SLC6A3: variants seen among roughly 807,000 people sequenced by gnomAD.
The protein encoded by SLC6A3 is solute carrier family 6 member 3, also known as sodium-dependent dopamine transporter.
A neutral mutation model predicts 70.4 loss-of-function variants in SLC6A3; 19 were observed. The observed-to-expected ratio is 0.27, with a 90% CI of 0.19 to 0.40. SLC6A3 has a LOEUF of 0.40. Ranked by LOEUF, SLC6A3 falls within the 10% of genes least tolerant of loss-of-function variation. SLC6A3 has a pLI of 1.00. For missense variants in SLC6A3, 613 were observed against 838.5 expected, an observed-to-expected ratio of 0.73 and a Z score of 3.32; for synonymous variants, 368 against 356.6, an observed-to-expected ratio of 1.03 and a Z score of -0.36.
intron 3 of SLC6A3, 119 bp downstream of exon 3, chr5:1,441,240 C>G: frequency 1.6e-6 from 2 of 1,242,792 alleles, no homozygotes; most frequent in Non-Finnish European, 2.4e-6. Flanking sequence ...GTGTGCCATG[C>G]CTGTGTCTTA....
rs72715519 is a variant in SLC6A3, at chr5:1,397,000, G to C, written c.1840-2242C>G. ...GCTGTGGGCTCACAAGGGTCTGTTTGTTACGGTGACAAATTAATAATTTAA... is the reference window on the plus strand; with the variant it reads ...GCTGTGGGCTCACAAGGGTCTGTTTCTTACGGTGACAAATTAATAATTTAA... On this transcript the variant is annotated intron_variant, in intron 14 of 14. Transcript: ENST00000270349. This position sits in a 1 kb window ranked among gnomAD's most constrained non-coding sequence, Gnocchi z 7.0. 9.2e-3 allele frequency among the ~76,000 whole-genome samples: 1,395 copies of C among 152,266 alleles called. 14 individuals are homozygous for C. The highest frequency in any genetic ancestry group is 0.015 in the Non-Finnish European group (991 of 68,012).
Position 1,400,932 on chromosome 5 carries a change from C to T in SLC6A3, c.1822G>A (p.Glu608Lys), listed in dbSNP as rs1755834561. 1 of 1,591,732 alleles carries T rather than the reference C, an allele frequency of 6.3e-7. No individual in the cohort carries two copies. Among genetic ancestry groups the T allele is most frequent in the Non-Finnish European group, 8.6e-7 (1 of 1,166,808 alleles). The change falls in exon 14 of 15, where the codon GAG becomes AAG. Residue 608 changes from glutamate to lysine, a missense_variant. Glu to Lys is a moderately conservative substitution (Grantham distance 56). Around this residue, in one of 4 missense-constraint regions of SLC6A3, gnomAD observed 348 missense variants for 481.2 expected, o/e 0.72. Transcript: ENST00000270349. Reference sequence around the variant, plus strand: ...GACCTCACCGTGAACTGGCGCACCTCCCCTCTGTCCACCAGCTCACGGTCC... The same window carrying T: ...GACCTCACCGTGAACTGGCGCACCTTCCCTCTGTCCACCAGCTCACGGTCC... ...EKDRELVDRG[E>K]VRQFTLRHWL...
At position 1,414,459 on chromosome 5, in the gene SLC6A3, C is replaced by T. The variant is rs116103376; in HGVS notation, c.1156+232G>A. Among the ~76,000 whole-genome samples, 169 of 72,488 alleles carry T rather than the reference C, an allele frequency of 2.3e-3. 6 individuals carry two copies. Among genetic ancestry groups the T allele is most frequent in the African/African-American group, 8.2e-3 (144 of 17,604 alleles). The allele number at this position is 72,488 out of a possible 152,430, so 47.6% of individuals were successfully genotyped here. The stretch of plus-strand genomic sequence containing the variant: ...GGGTGGGGGGCCGGGAGGGGCAGGG[C>T]GGGGAAGGCGCTGGGTGGGGGGCCT... On this transcript the variant is annotated intron_variant, in intron 8 of 14. Transcript: ENST00000270349.
At chr5:1,409,943 C>A (rs941863186) in intron 9 of SLC6A3, 94 bp from the exon 10 acceptor site, 2 of 1,512,532 alleles carry the variant, frequency 1.3e-6, no homozygotes, top group African/African-American at 1.4e-5. Flanking sequence ...GACGCACACC[C>A]GGGGATGGAC....
At position 1,421,130 on chromosome 5, in the gene SLC6A3, G is replaced by A. The variant is rs1051333903; in HGVS notation, c.793-427C>T. On this transcript the variant is annotated intron_variant, in intron 5 of 14. Coordinates refer to ENST00000270349, the MANE Select transcript of SLC6A3 (RefSeq NM_001044.5). The surrounding 1 kb of genome is among the most constrained non-coding windows in gnomAD (Gnocchi z 7.2). Reference sequence around the variant, plus strand: ...ATACTACACGCACTTTTCCAAGGGAGGAGTCGTATCTTGGTCAAAACTGGT... The same window carrying A: ...ATACTACACGCACTTTTCCAAGGGAAGAGTCGTATCTTGGTCAAAACTGGT... 8.9e-4 allele frequency among the ~76,000 whole-genome samples: 136 copies of A among 152,214 alleles called. No homozygotes were observed. Among genetic ancestry groups the A allele is most frequent in the African/African-American group, 3.2e-3 (131 of 41,524 alleles).
At chr5:1,410,592 C>T (rs1756093312) in intron 9 of SLC6A3, among the ~76,000 whole-genome samples, 1 of 152,186 alleles carries the variant, frequency 6.6e-6, no homozygotes, top group African/African-American at 2.4e-5. Flanking sequence ...GTGCAGGGGC[C>T]ACACACAAAG....
In SLC6A3 at chr5:1,403,045, G is replaced by A. The variant is rs1264236301; in HGVS notation, c.1644C>T (p.Tyr548=). Residue 548 remains tyrosine, a synonymous_variant, in exon 13 of 15, where the codon TAC becomes TAT. Coordinates refer to ENST00000270349, the MANE Select transcript of SLC6A3 (RefSeq NM_001044.5). The part of the protein sequence containing the change: ...VSIVTFRPPH[Y]GAYIFPDWAN... ...CCCAGTCGGGGAAGATGTAGGCTCC[G>A]TAGTGGGGGGGTCTGAAGGTCACAA... The A allele has an allele frequency of 1.2e-5, 19 of 1,613,850 alleles. No homozygotes were observed. Among genetic ancestry groups the A allele is most frequent in the Admixed American group, 6.7e-5 (4 of 60,002 alleles).
Position 1,396,443 on chromosome 5 carries a change from G to A in SLC6A3, c.1840-1685C>T, listed in dbSNP as rs544009369. 1.2e-4 allele frequency among the ~76,000 whole-genome samples: 18 copies of A among 152,348 alleles called. No individual in the cohort carries two copies. Among genetic ancestry groups the A allele is most frequent in the Non-Finnish European group, 1.5e-4 (10 of 68,018 alleles). ...CCCCTGCCACCCTGCTCGCTGCCTC[G>A]AGGGAGTTTCTAGATTGCAGCACAG... On this transcript the variant is annotated intron_variant, in intron 14 of 14. Transcript: ENST00000270349. This position sits in a 1 kb window ranked among gnomAD's most constrained non-coding sequence, Gnocchi z 7.0.
intron 5 of SLC6A3, among the ~76,000 whole-genome samples, chr5:1,420,911 G>A (rs577098971): frequency 6.6e-6 from 1 of 152,374 alleles, no homozygotes; most frequent in South Asian, 2.1e-4. Context: ...CCCCAGGGAT[G>A]GAAAGGGAAG....
At chr5:1,399,543 A>C (rs921902007) in intron 14 of SLC6A3, among the ~76,000 whole-genome samples, 2 of 152,248 alleles carry the variant, frequency 1.3e-5, no homozygotes, top group African/African-American at 4.8e-5. Flanking sequence ...ATATTTGAGA[A>C]GACTAGCAAG....
chr5:1,409,591 G>A, intron 10 of SLC6A3, 130 bp downstream of exon 10: 2 of 1,031,868 alleles, frequency 1.9e-6, no homozygotes, highest in Non-Finnish European at 3.0e-6. Context: ...TCATTTTCTG[G>A]GGTGGGTGGG....
At chr5:1,441,544 C>G in intron 2 of SLC6A3, 54 bp from the exon 3 acceptor site, 2 of 1,595,864 alleles carry the variant, frequency 1.3e-6, no homozygotes, top group Admixed American at 3.4e-5. Flanking sequence ...CCCATCTCTC[C>G]TCGTGGGAGC....
Position 1,404,589 on chromosome 5 carries a change from A to T in SLC6A3, c.1600-1500T>A, listed in dbSNP as rs11564767. Among the ~76,000 whole-genome samples the T allele has an allele frequency of 0.16, 24,383 of 152,224 alleles. 3,584 individuals carry two copies. The highest frequency in any genetic ancestry group is 0.4 in the African/African-American group (16,506 of 41,494). The stretch of plus-strand genomic sequence containing the variant: ...TCTGCCACAGAGTCATCTGAACGAG[A>T]CTGGGGCGTGTACACCCCTTACGAC... On this transcript the variant is annotated intron_variant, in intron 12 of 14. Transcript: ENST00000270349. This position sits in a 1 kb window ranked among gnomAD's most constrained non-coding sequence, Gnocchi z 5.2.
chr5:1,431,917 G>A (rs989998893), intron 4 of SLC6A3, among the ~76,000 whole-genome samples: 4 of 152,224 alleles, frequency 2.6e-5, no homozygotes, highest in African/African-American at 9.7e-5. Context: ...AAAGTCTTGT[G>A]AAAAGCGGAC....
At position 1,442,126 on chromosome 5, in the gene SLC6A3, G is replaced by A. The variant is rs943383039; in HGVS notation, c.287-636C>T. The stretch of plus-strand genomic sequence containing the variant: ...CTCCCCTGGTCTGACTGGAGTGAGG[G>A]AGAGCTTTGCCACTCTCTCTCCTGG... On this transcript the variant is annotated intron_variant, in intron 2 of 14. Coordinates refer to ENST00000270349, the MANE Select transcript of SLC6A3 (RefSeq NM_001044.5). This position sits in a 1 kb window ranked among gnomAD's most constrained non-coding sequence, Gnocchi z 5.0. Among the ~76,000 whole-genome samples the A allele has an allele frequency of 6.6e-6, 1 of 152,144 alleles. No homozygotes were observed. The highest frequency in any genetic ancestry group is 1.5e-5 in the Non-Finnish European group (1 of 68,004).
intron 3 of SLC6A3, among the ~76,000 whole-genome samples, 175 bp from the exon 4 acceptor site, chr5:1,432,873 G>A (rs1351617427): frequency 1.3e-5 from 2 of 152,106 alleles, no homozygotes; most frequent in African/African-American, 4.8e-5. Context: ...TGAAAGGCCT[G>A]AGACCAGATT....
chr5:1,431,401 C>T (rs577257715), intron 4 of SLC6A3, among the ~76,000 whole-genome samples: 82 of 148,550 alleles, frequency 5.5e-4, no homozygotes, highest in African/African-American at 1.9e-3. Context: ...CAGTGAGGGA[C>T]GGGCCTGGAT....
chr5:1,400,318 G>A (rs1409663924), intron 14 of SLC6A3, among the ~76,000 whole-genome samples: 1 of 152,172 alleles, frequency 6.6e-6, no homozygotes, highest in Admixed American at 6.5e-5. Flanking sequence ...TCTTAGGGTT[G>A]TGGGAGTAAA....
rs1269205092 is a variant in SLC6A3, at chr5:1,437,160, A to G, written c.418+4199T>C. ...CAGCTACTCGGGAGGCTGGGGCAGGAGAATCGCTTGAACCCGGGACGCGCA... is the reference window on the plus strand; with the variant it reads ...CAGCTACTCGGGAGGCTGGGGCAGGGGAATCGCTTGAACCCGGGACGCGCA... On this transcript the variant is annotated intron_variant, in intron 3 of 14. Coordinates refer to ENST00000270349, the MANE Select transcript of SLC6A3 (RefSeq NM_001044.5). This position sits in a 1 kb window ranked among gnomAD's most constrained non-coding sequence, Gnocchi z 4.8. Among the ~76,000 whole-genome samples the G allele has an allele frequency of 1.3e-5, 2 of 151,820 alleles. No homozygotes were observed. The highest frequency in any genetic ancestry group is 2.9e-5 in the Non-Finnish European group (2 of 67,980).
Sources: allele counts gnomAD v4.1 joint callset (sites outside exome capture counted in the v4.1 genomes callset), GRCh38; gene constraint gnomAD v4.1.1; regional missense constraint gnomAD v4.1.1; non-coding constraint Gnocchi (gnomAD v3.1); transcripts MANE v1.5; gene names NCBI Gene and HGNC (gene_info 2026-07-23, HGNC 2026-07-21).